The following SSH1 variants were observed in gnomAD, a reference collection of about 807,000 sequenced individuals.
SSH1 encodes the protein protein phosphatase Slingshot homolog 1.
SSH1 carries 43 observed loss-of-function variants against 79.7 expected under a neutral mutation model. That is an observed-to-expected ratio of 0.54 (90% confidence interval 0.42 to 0.70). SSH1 has a LOEUF of 0.70. SSH1 is among the 30% of genes least tolerant of loss of function. The pLI, the probability that SSH1 is intolerant of heterozygous loss-of-function variation, is 0.00. For missense variants in SSH1, 1,206 were observed against 1,358.8 expected (o/e 0.89, Z 1.77); for synonymous variants, 599 against 538.3 (o/e 1.11, Z -1.56).
rs143809005 is a variant in SSH1, at chr12:108,806,305, T to C, written c.821A>G (p.Lys274Arg). The C allele has an allele frequency of 2.2e-5, 36 of 1,613,916 alleles. No homozygotes were observed. The highest frequency in any genetic ancestry group is 2.8e-5 in the Non-Finnish European group (33 of 1,179,976). ...MSQDLENVTS[K>R]EIRNELEKQM... ...TGAAGGGAGGAGTTGTCTTACCTCT[T>C]TGGAAGTCACATTTTCTAGATCCTG... The change falls in exon 9 of 15, where the codon AAA (lysine) becomes AGA (arginine). Residue 274 changes from lysine (K) to arginine (R), a missense_variant. Physicochemically the swap from Lys to Arg is conservative, Grantham distance 26 (BLOSUM62 2). Coordinates refer to ENST00000326495, the MANE Select transcript of SSH1 (RefSeq NM_018984.4).
At chr12:108,824,464 A>AAAAGAAAGAAAGAAAG (rs527807719) in intron 2 of SSH1, among the ~76,000 whole-genome samples, 1 of 151,166 alleles carries the variant, frequency 6.6e-6, no homozygotes, top group East Asian at 1.9e-4. Context: ...CAAAAAAAAA[A>AAAAGAAAGAAAGAAAG]AAAGAAAGAA....
chr12:108,847,943 G>A (rs1389398009), intron 2 of SSH1, among the ~76,000 whole-genome samples: 2 of 152,138 alleles, frequency 1.3e-5, no homozygotes, highest in African/African-American at 4.8e-5. Flanking sequence ...CAAATATCTG[G>A]GGCAGGCGCA....
At chr12:108,816,933 C>T (rs901202748) in intron 5 of SSH1, 105 bp downstream of exon 5, 14 of 1,556,376 alleles carry the variant, frequency 9.0e-6, no homozygotes, top group African/African-American at 5.4e-5. Context: ...TCCATCAGGA[C>T]GCAGCCCTCT....
At chr12:108,828,836 A>G (rs2038399755) in intron 2 of SSH1, among the ~76,000 whole-genome samples, 1 of 152,204 alleles carries the variant, frequency 6.6e-6, no homozygotes, top group African/African-American at 2.4e-5. Context: ...CAACAGGACT[A>G]TTATTTACTG....
chr12:108,791,620 G>A (rs572839872), intron 14 of SSH1, among the ~76,000 whole-genome samples: 1 of 152,178 alleles, frequency 6.6e-6, no homozygotes, highest in Admixed American at 6.5e-5. Flanking sequence ...TTAACCGGGT[G>A]TGGTAGCATG....
rs1219892508 is a variant in SSH1 at position 108,853,855 on chromosome 12, C to T, written c.70-1177G>A. On this transcript the variant is annotated intron_variant, in intron 1 of 14. Transcript: ENST00000326495. ...AGGAGAATCACTTGAACCCAGGAGGCGGAGGTTGCAGTGAGCCGAGATTGC... is the reference window on the plus strand; with the variant it reads ...AGGAGAATCACTTGAACCCAGGAGGTGGAGGTTGCAGTGAGCCGAGATTGC... 3.3e-5 allele frequency among the ~76,000 whole-genome samples: 5 copies of T among 149,846 alleles called. No individual in the cohort carries two copies. In the South Asian group the frequency reaches 8.4e-4, roughly 25 times the overall value.
At position 108,836,014 on chromosome 12, in the gene SSH1, T is replaced by TATTAATATAATCGATTATATTA. The variant is rs1566012993; in HGVS notation, c.111-12654_111-12653insTAATATAATCGATTATATTAAT. On this transcript the variant is annotated intron_variant, in intron 2 of 14. Coordinates refer to ENST00000326495, the MANE Select transcript of SSH1 (RefSeq NM_018984.4). Reference sequence around the variant, plus strand: ...CTATATTAATATAATCGATTATAACTATATTAATATAATCGATTATATTAA... The same window carrying TATTAATATAATCGATTATATTA: ...CTATATTAATATAATCGATTATAACTATTAATATAATCGATTATATTAATATTAATATAATCGATTATATTAA... Among the ~76,000 whole-genome samples the TATTAATATAATCGATTATATTA allele has an allele frequency of 1.6e-3, 107 of 66,040 alleles. 1 individual carries two copies. Among genetic ancestry groups the TATTAATATAATCGATTATATTA allele is most frequent in the African/African-American group, 1.9e-3 (32 of 16,598 alleles). The allele number at this position is 66,040 out of a possible 152,430, so 43.3% of individuals were successfully genotyped here.
At chr12:108,848,151 CA>C (rs984703340) in intron 2 of SSH1, among the ~76,000 whole-genome samples, 2 of 152,016 alleles carry the variant, frequency 1.3e-5, no homozygotes, top group Non-Finnish European at 2.9e-5. Flanking sequence ...ATCAAGGGAC[CA>C]GGGGGTGATA....
chr12:108,855,351 G>C (rs1288943428), intron 1 of SSH1, among the ~76,000 whole-genome samples: 1 of 152,164 alleles, frequency 6.6e-6, no homozygotes. Context: ...GGCAGGGGGA[G>C]GCTGCAGGTG....
intron 1 of SSH1, among the ~76,000 whole-genome samples, chr12:108,853,980 T>C (rs542021339): frequency 3.9e-4 from 58 of 150,012 alleles, no homozygotes; most frequent in Non-Finnish European, 5.2e-4. Flanking sequence ...CATATTAAGA[T>C]GAAGTACATA....
intron 2 of SSH1, among the ~76,000 whole-genome samples, chr12:108,828,452 C>T (rs1392407352): frequency 2.0e-5 from 3 of 152,230 alleles, no homozygotes; most frequent in Non-Finnish European, 2.9e-5. Flanking sequence ...AGCCATTATG[C>T]TGCGGTCACA....
At chr12:108,836,260 CGT>C (rs1327601528) in intron 2 of SSH1, among the ~76,000 whole-genome samples, 3 of 151,916 alleles carry the variant, frequency 2.0e-5, no homozygotes, top group African/African-American at 7.3e-5. Flanking sequence ...TATAGATGCA[CGT>C]GTGTGTGTAT....
intron 7 of SSH1, among the ~76,000 whole-genome samples, chr12:108,809,151 C>A (rs2037443961): frequency 6.7e-6 from 1 of 149,438 alleles, no homozygotes; most frequent in South Asian, 2.2e-4. Context: ...CTTCTTTTTA[C>A]AAAAATATAG....
At chr12:108,837,558 C>T (rs962283554) in intron 2 of SSH1, among the ~76,000 whole-genome samples, 2 of 152,158 alleles carry the variant, frequency 1.3e-5, no homozygotes, top group Non-Finnish European at 2.9e-5. Flanking sequence ...AAAGAAAGTT[C>T]TTTTCACTGT....
chr12:108,840,001 A>T (rs112483123), intron 2 of SSH1, among the ~76,000 whole-genome samples: 114 of 152,346 alleles, frequency 7.5e-4, no homozygotes, highest in African/African-American at 2.6e-3. Flanking sequence ...AAGTGAGCTA[A>T]GTGGCAAGGC....
At position 108,847,046 on chromosome 12, in the gene SSH1, G is replaced by A. The variant is rs150654903; in HGVS notation, c.110+5592C>T. 4.9e-3 allele frequency among the ~76,000 whole-genome samples: 747 copies of A among 152,230 alleles called. 5 individuals are homozygous for A. Among genetic ancestry groups the A allele is most frequent in the Middle Eastern group, 0.014 (4 of 294 alleles). On this transcript the variant is annotated intron_variant, in intron 2 of 14. Transcript: ENST00000326495. ...TGAGTAGCTGGGACTACAGGCGTGCGCCACCATGCCCAGCTAATTTTTCTA... is the reference window on the plus strand; with the variant it reads ...TGAGTAGCTGGGACTACAGGCGTGCACCACCATGCCCAGCTAATTTTTCTA...
At chr12:108,798,198 G>A (rs1300917871) in intron 13 of SSH1, among the ~76,000 whole-genome samples, 3 of 152,152 alleles carry the variant, frequency 2.0e-5, no homozygotes, top group Non-Finnish European at 4.4e-5. Context: ...CCTCTGTCAC[G>A]TGTCCCAAAA....
intron 2 of SSH1, among the ~76,000 whole-genome samples, chr12:108,832,673 C>T (rs1287716018): frequency 6.6e-6 from 1 of 152,208 alleles, no homozygotes; most frequent in African/African-American, 2.4e-5. Flanking sequence ...GGTTCTCCCA[C>T]AGGTTCTTCC....
At chr12:108,814,454 C>T (rs2037788962) in intron 5 of SSH1, among the ~76,000 whole-genome samples, 2 of 151,772 alleles carry the variant, frequency 1.3e-5, no homozygotes, top group African/African-American at 2.4e-5. Context: ...CTGGCGGGGA[C>T]CTGGACTTTT....
Sources: allele counts gnomAD v4.1 joint callset (sites outside exome capture counted in the v4.1 genomes callset), GRCh38; gene constraint gnomAD v4.1.1; transcripts MANE v1.5; gene names NCBI Gene and HGNC (gene_info 2026-07-23, HGNC 2026-07-21).